Variants in GALNT1 observed in about 807,000 individuals in gnomAD.
GALNT1 encodes polypeptide N-acetylgalactosaminyltransferase 1, also known as GalNAc transferase 1.
GALNT1 carries 17 observed loss-of-function variants against 65.7 expected under a neutral mutation model. The observed-to-expected ratio is 0.26, with a 90% CI of 0.18 to 0.39. The LOEUF (loss-of-function observed/expected upper bound fraction) is 0.39. GALNT1 is among the 10% of genes least tolerant of loss of function. The pLI is 1.00. For synonymous variants in GALNT1, 210 were observed against 219.7 expected, an observed-to-expected ratio of 0.96 and a Z score of 0.39; for missense variants, 460 against 672.8, an observed-to-expected ratio of 0.68 and a Z score of 3.50.
intron 3 of GALNT1, among the ~76,000 whole-genome samples, chr18:35,668,478 C>G (rs1476624813): frequency 6.6e-6 from 1 of 152,054 alleles, no homozygotes; most frequent in Non-Finnish European, 1.5e-5. Flanking sequence ...TCCTAAATAG[C>G]AGATAATGGT....
intron 5 of GALNT1, among the ~76,000 whole-genome samples, chr18:35,685,450 C>T (rs1448703071): frequency 1.4e-5 from 2 of 145,102 alleles, no homozygotes; most frequent in African/African-American, 2.6e-5. Context: ...AACTATTATA[C>T]AGTGGAAGTT....
At chr18:35,606,832 T>A (rs886350193) in intron 1 of GALNT1, among the ~76,000 whole-genome samples, 1 of 108,390 alleles carries the variant, frequency 9.2e-6, no homozygotes, top group Non-Finnish European at 1.9e-5. Flanking sequence ...TGTGTGTGTG[T>A]GTGTGTGTGT....
chr18:35,640,363 AAATT>A (rs2047145364), intron 1 of GALNT1, among the ~76,000 whole-genome samples: 1 of 142,354 alleles, frequency 7.0e-6, no homozygotes, highest in Non-Finnish European at 1.5e-5. Flanking sequence ...AGGTAGGAAA[AAATT>A]AAAGTAACAA....
chr18:35,598,327 G>T (rs2046533285), intron 1 of GALNT1, among the ~76,000 whole-genome samples: 1 of 151,926 alleles, frequency 6.6e-6, no homozygotes, highest in South Asian at 2.1e-4. Context: ...GAGCCACTGT[G>T]CCTGGACAAT....
chr18:35,615,575 C>A (rs2046773341), intron 1 of GALNT1, among the ~76,000 whole-genome samples: 1 of 152,164 alleles, frequency 6.6e-6, no homozygotes, highest in Non-Finnish European at 1.5e-5. Context: ...AAATTAAGAT[C>A]TCTTGGGTTT....
intron 9 of GALNT1, among the ~76,000 whole-genome samples, chr18:35,697,443 C>T (rs772549085): frequency 4.6e-5 from 7 of 152,154 alleles, no homozygotes; most frequent in Non-Finnish European, 7.3e-5. Context: ...CACCATTCCC[C>T]GGTCCTACCA....
chr18:35,660,049 T>TA (rs1255554038), intron 2 of GALNT1: 1 of 152,190 alleles, frequency 6.6e-6, no homozygotes, highest in Non-Finnish European at 1.5e-5. Flanking sequence ...ACATTCCAGT[T>TA]ACCATTGTGA....
At chr18:35,666,783 T>C (rs1001558072) in intron 3 of GALNT1, among the ~76,000 whole-genome samples, 6 of 152,196 alleles carry the variant, frequency 3.9e-5, no homozygotes, top group African/African-American at 1.4e-4. Context: ...CTCTTCAGAC[T>C]TGACGAAGTC....
intron 1 of GALNT1, among the ~76,000 whole-genome samples, chr18:35,610,766 T>C (rs986503206): frequency 6.6e-6 from 1 of 152,208 alleles, no homozygotes; most frequent in Admixed American, 6.5e-5. Flanking sequence ...TATGTTAATA[T>C]AAACATTTTT....
intron 11 of GALNT1, among the ~76,000 whole-genome samples, chr18:35,708,991 T>C (rs752306607): frequency 6.6e-6 from 1 of 152,220 alleles, no homozygotes; most frequent in Admixed American, 6.5e-5. Context: ...TGCTTTTCTT[T>C]CTGTACCACA....
chr18:35,679,091 A>G (rs1014488914), intron 4 of GALNT1, among the ~76,000 whole-genome samples: 1 of 152,212 alleles, frequency 6.6e-6, no homozygotes, highest in Non-Finnish European at 1.5e-5. Flanking sequence ...AGTTAAGAAT[A>G]CCACACGTAA....
At chr18:35,686,917 A>G (rs1168600659) in intron 5 of GALNT1, 99 bp from the exon 6 acceptor site, 1 of 1,209,248 alleles carries the variant, frequency 8.3e-7, no homozygotes, top group Non-Finnish European at 1.1e-6. Flanking sequence ...TTTCAAGGGA[A>G]AAAATAAAAA....
At chr18:35,678,653 A>T (rs2047745966) in intron 4 of GALNT1, among the ~76,000 whole-genome samples, 1 of 152,162 alleles carries the variant, frequency 6.6e-6, no homozygotes, top group African/African-American at 2.4e-5. Flanking sequence ...CATGAGAAAA[A>T]TTTAGAGCTA....
rs764646445 is a variant in GALNT1 at position 35,663,820 on chromosome 18, T to C, written c.314+18T>C. ...TTAGAAGGGTAAGTACTTACTGTGGTCCTGATAGTATGTGAATGAAAAGTA... is the reference window on the plus strand; with the variant it reads ...TTAGAAGGGTAAGTACTTACTGTGGCCCTGATAGTATGTGAATGAAAAGTA... On this transcript the variant is annotated intron_variant, in intron 3 of 11. Transcript: ENST00000269195. The C allele has an allele frequency of 3.1e-6, 5 of 1,605,842 alleles. No homozygotes were observed. The highest frequency in any genetic ancestry group is 3.4e-6 in the Non-Finnish European group (4 of 1,176,024).
intron 1 of GALNT1, among the ~76,000 whole-genome samples, chr18:35,600,514 CTT>C (rs1022097044): frequency 2.6e-5 from 4 of 152,086 alleles, no homozygotes; most frequent in Admixed American, 2.6e-4. Flanking sequence ...CCCTTTATGT[CTT>C]TTTCTTTTTG....
intron 1 of GALNT1, among the ~76,000 whole-genome samples, chr18:35,641,785 T>C (rs1276861304): frequency 6.6e-6 from 1 of 152,252 alleles, no homozygotes; most frequent in Admixed American, 6.5e-5. Context: ...ATTGGTGATA[T>C]CTGATCATAT....
At chr18:35,696,548 C>A (rs752083378) in intron 9 of GALNT1, among the ~76,000 whole-genome samples, 2 of 152,210 alleles carry the variant, frequency 1.3e-5, no homozygotes, top group Non-Finnish European at 2.9e-5. Flanking sequence ...ACAATCTAGA[C>A]CTTTACTGGT....
chr18:35,662,287 T>C (rs2047488397), intron 2 of GALNT1, among the ~76,000 whole-genome samples: 1 of 152,258 alleles, frequency 6.6e-6, no homozygotes. Context: ...TTTTAAAAAC[T>C]ATGTTACTTG....
intron 1 of GALNT1, among the ~76,000 whole-genome samples, chr18:35,584,769 G>C (rs1041267209): frequency 2.0e-5 from 3 of 152,190 alleles, no homozygotes; most frequent in African/African-American, 4.8e-5. Context: ...ATTCACAGTA[G>C]TGTTTGCCCT....
Sources: allele counts gnomAD v4.1 joint callset (sites outside exome capture counted in the v4.1 genomes callset), GRCh38; gene constraint gnomAD v4.1.1; transcripts MANE v1.5; gene names NCBI Gene and HGNC (gene_info 2026-07-23, HGNC 2026-07-21).